The following SH3RF3 variants were observed in gnomAD, a reference collection of about 807,000 sequenced individuals.
The protein encoded by SH3RF3 is SH3 domain containing ring finger 3.
In SH3RF3, 29 loss-of-function variants were observed where a neutral mutation model predicts 66.3. The ratio of observed to expected loss-of-function variants is 0.44; its 90% CI spans 0.33 to 0.60. The LOEUF is 0.60. SH3RF3 is among the 20% of genes least tolerant of loss of function. The probability of loss-of-function intolerance (pLI) is 0.04; values close to 1 mark genes in which losing one functional copy is unlikely to be tolerated. For synonymous variants in SH3RF3, 583 were observed against 532.0 expected (o/e 1.10, Z -1.32); for missense variants, 1,194 against 1,190.9 (o/e 1.00, Z -0.04).
chr2:109,293,513 A>G (rs1327795158), intron 1 of SH3RF3, among the ~76,000 whole-genome samples: 2 of 152,122 alleles, frequency 1.3e-5, no homozygotes, highest in African/African-American at 4.8e-5. Context: ...GTCAGCCCCC[A>G]TGTCAGGCAG....
intron 3 of SH3RF3, among the ~76,000 whole-genome samples, chr2:109,375,747 T>G (rs1480762975): frequency 6.6e-6 from 1 of 152,220 alleles, no homozygotes; most frequent in Non-Finnish European, 1.5e-5. Context: ...AGCCCCCCTC[T>G]CTTTCTGCAC....
intron 1 of SH3RF3, among the ~76,000 whole-genome samples, chr2:109,293,819 G>A (rs993736090): frequency 6.6e-6 from 1 of 152,192 alleles, no homozygotes; most frequent in South Asian, 2.1e-4. Context: ...ATCAGGAGTC[G>A]GGAATGCTGG....
At chr2:109,440,333 C>T (rs371495024) in intron 7 of SH3RF3, among the ~76,000 whole-genome samples, 51 of 152,256 alleles carry the variant, frequency 3.3e-4, no homozygotes, top group East Asian at 1.5e-3. Flanking sequence ...GGCCCATGGA[C>T]GCTGGAATAC....
rs1009860242 is a variant in SH3RF3, at chr2:109,147,699, T to G, written c.573+17586T>G. On this transcript the variant is annotated intron_variant, in intron 1 of 9. Transcript: ENST00000309415. ...CCTTTCTTGTATAGTTTCCGGCTTC[T>G]GGGTCTTAGGGCACTTTGGTTTTGT... Among the ~76,000 whole-genome samples, 9 of 152,240 alleles carry G rather than the reference T, an allele frequency of 5.9e-5. No individual in the cohort carries two copies. In the South Asian group the frequency reaches 1.7e-3, roughly 28 times the overall value.
At chr2:109,490,495 A>C in intron 8 of SH3RF3, 110 bp from the exon 9 acceptor site, 1 of 958,262 alleles carries the variant, frequency 1.0e-6, no homozygotes, top group Non-Finnish European at 1.4e-6. Context: ...TGAAAAAATA[A>C]GAAATTTAAA....
intron 1 of SH3RF3, among the ~76,000 whole-genome samples, chr2:109,144,035 ACGAGGCGC>A (rs1225238186): frequency 7.2e-5 from 11 of 152,346 alleles, no homozygotes; most frequent in Middle Eastern, 3.4e-3. Flanking sequence ...AAAGGTGGTT[ACGAGGCGC>A]CGGAAGTGTG....
chr2:109,356,228 C>T (rs1198022651), intron 2 of SH3RF3, among the ~76,000 whole-genome samples: 1 of 152,098 alleles, frequency 6.6e-6, no homozygotes, highest in Non-Finnish European at 1.5e-5. Flanking sequence ...GCCTCTACAC[C>T]AAAATGACTG....
In SH3RF3 at chr2:109,426,978, AT is replaced by A. The variant is rs142007361; in HGVS notation, c.1404-5514del. ...AGGGCAATAAAATATATATATATATATTTTTTTTTGAGACGAGTCTCGCTCT... is the reference window on the plus strand; with the variant it reads ...AGGGCAATAAAATATATATATATATATTTTTTTTGAGACGAGTCTCGCTCT... On this transcript the variant is annotated intron_variant, in intron 5 of 9. Transcript: ENST00000309415. Among the ~76,000 whole-genome samples, 12 of 148,730 alleles carry A rather than the reference AT, an allele frequency of 8.1e-5. No homozygotes were observed. In the East Asian group the frequency reaches 1.0e-3, roughly 12 times the overall value.
chr2:109,442,044 G>A (rs1440767516), intron 7 of SH3RF3, among the ~76,000 whole-genome samples: 1 of 152,194 alleles, frequency 6.6e-6, no homozygotes, highest in African/African-American at 2.4e-5. Context: ...AGGCACAGTG[G>A]CTCACGCCTG....
chr2:109,190,669 A>G (rs564995747), intron 1 of SH3RF3, among the ~76,000 whole-genome samples: 23 of 152,130 alleles, frequency 1.5e-4, no homozygotes, highest in African/African-American at 5.6e-4. Context: ...TCTACAGTCT[A>G]TGTGCATTTA....
chr2:109,406,834 C>T (rs28398348), intron 4 of SH3RF3, among the ~76,000 whole-genome samples: 7,465 of 152,190 alleles, frequency 0.049, 339 homozygotes, highest in African/African-American at 0.11. Flanking sequence ...TCTGCTCATG[C>T]GCATTTCAGT....
intron 1 of SH3RF3, among the ~76,000 whole-genome samples, chr2:109,335,076 A>G (rs1260146671): frequency 1.3e-5 from 2 of 152,210 alleles, no homozygotes; most frequent in African/African-American, 2.4e-5. Context: ...GCCTGGGATC[A>G]TGGTGGTCAT....
intron 1 of SH3RF3, among the ~76,000 whole-genome samples, chr2:109,163,581 A>T (rs1677545139): frequency 6.6e-6 from 1 of 150,698 alleles, no homozygotes. Context: ...TTGTATTTTT[A>T]GTAGAGACGG....
chr2:109,256,069 G>A (rs1229665299), intron 1 of SH3RF3, among the ~76,000 whole-genome samples: 1 of 152,122 alleles, frequency 6.6e-6, no homozygotes, highest in Admixed American at 6.5e-5. Context: ...GCCTGTATGT[G>A]CTTCATATTA....
intron 3 of SH3RF3, among the ~76,000 whole-genome samples, chr2:109,386,878 C>CA (rs1057240402): frequency 2.2e-4 from 34 of 152,074 alleles, no homozygotes; most frequent in African/African-American, 7.2e-4. Context: ...TGTACAAAAT[C>CA]AAAAAAAATC....
intron 1 of SH3RF3, among the ~76,000 whole-genome samples, chr2:109,224,079 G>A (rs1679315555): frequency 6.6e-6 from 1 of 152,188 alleles, no homozygotes; most frequent in African/African-American, 2.4e-5. Flanking sequence ...ATAGCTTCAG[G>A]GTTTACCTAG....
At chr2:109,491,987 T>C (rs566597301) in intron 9 of SH3RF3, among the ~76,000 whole-genome samples, 42 of 152,202 alleles carry the variant, frequency 2.8e-4, no homozygotes, top group African/African-American at 1.0e-3. Context: ...TCCTCACATA[T>C]TCTTCTGTAT....
intron 8 of SH3RF3, among the ~76,000 whole-genome samples, chr2:109,472,984 C>A (rs1330343241): frequency 6.6e-6 from 1 of 152,330 alleles, no homozygotes; most frequent in Middle Eastern, 3.4e-3. Flanking sequence ...CTACCCGACT[C>A]GTGGGGCCTT....
chr2:109,335,571 C>A (rs912450433), intron 1 of SH3RF3, among the ~76,000 whole-genome samples: 1 of 152,184 alleles, frequency 6.6e-6, no homozygotes, highest in South Asian at 2.1e-4. Flanking sequence ...CATGTCCCCT[C>A]CCCTGGTTTA....
Sources: allele counts gnomAD v4.1 joint callset (sites outside exome capture counted in the v4.1 genomes callset), GRCh38; gene constraint gnomAD v4.1.1; transcripts MANE v1.5; gene names NCBI Gene and HGNC (gene_info 2026-07-23, HGNC 2026-07-21).